The following MYCBPAP variants were observed in gnomAD, a reference collection of about 807,000 sequenced individuals.
MYCBPAP encodes MYCBP associated protein, also known as MYCBP-associated protein.
MYCBPAP carries 60 observed loss-of-function variants against 106.1 expected under a neutral mutation model. That is an observed-to-expected ratio of 0.57 (90% confidence interval 0.46 to 0.70). The LOEUF (loss-of-function observed/expected upper bound fraction) is 0.70. Ranked by LOEUF, MYCBPAP falls within the 30% of genes least tolerant of loss-of-function variation. MYCBPAP has a pLI of 0.00. For synonymous variants in MYCBPAP, 407 were observed against 440.6 expected (o/e 0.92, Z 0.95); for missense variants, 1,064 against 1,169.3 (o/e 0.91, Z 1.31).
intron 18 of MYCBPAP, chr17:50,530,291 C>A: frequency 2.8e-6 from 1 of 351,514 alleles, no homozygotes; most frequent in South Asian, 2.1e-5. Context: ...CTCAGGAGTT[C>A]AAGACCAGCC....
intron 1 of MYCBPAP, among the ~76,000 whole-genome samples, chr17:50,511,883 C>A (rs192182268): frequency 6.6e-6 from 1 of 152,062 alleles, no homozygotes; most frequent in African/African-American, 2.4e-5. Context: ...TCTGCCTCTC[C>A]GGTCCATCTG....
chr17:50,528,657 G>A, intron 16 of MYCBPAP, 38 bp from the exon 17 acceptor site: 1 of 1,604,880 alleles, frequency 6.2e-7, no homozygotes, highest in Non-Finnish European at 8.5e-7. Flanking sequence ...CTAGGCTGTT[G>A]GGGGCCTGCC....
chr17:50,509,519 T>C (rs2033741999), intron 1 of MYCBPAP: 1 of 188,900 alleles, frequency 5.3e-6, no homozygotes, highest in Non-Finnish European at 1.1e-5. Context: ...TTAAATTTAA[T>C]TTTTAGCTTT....
rs1023452414 is a variant in MYCBPAP at position 50,524,735 on chromosome 17, T to TGAGAGAGAGAGA, written c.1636-141_1636-140insAGAGAGAGAGAG. The TGAGAGAGAGAGA allele has an allele frequency of 2.3e-4, 54 of 238,886 alleles. No homozygotes were observed. The African/African-American group carries it at 3.2e-3, about 14-fold the overall frequency. 14.8% of individuals were successfully genotyped at this position (238,886 alleles called of 1,614,324 possible). ...GCGTGTGTGTGTGTGTGTGTGTGTG[T>TGAGAGAGAGAGA]GTGAGAGAGAGAGAGAGAGAGAGAC... On this transcript the variant is annotated intron_variant, in intron 12 of 18. Coordinates refer to ENST00000323776, the MANE Select transcript of MYCBPAP (RefSeq NM_032133.6).
chr17:50,527,238 G>A, intron 14 of MYCBPAP, 49 bp from the exon 15 acceptor site: 1 of 1,610,570 alleles, frequency 6.2e-7, no homozygotes, highest in South Asian at 1.1e-5. Context: ...TTCACTAGAG[G>A]ACACAGCCTT....
At chr17:50,528,421 C>A in intron 16 of MYCBPAP, 151 bp downstream of exon 16, 2 of 785,032 alleles carry the variant, frequency 2.5e-6, no homozygotes, top group South Asian at 1.8e-5. Context: ...TTTCTGTCCG[C>A]TGCCAGGATG....
intron 1 of MYCBPAP, among the ~76,000 whole-genome samples, chr17:50,512,147 G>A (rs997037607): frequency 4.0e-5 from 6 of 148,428 alleles, no homozygotes; most frequent in Non-Finnish European, 7.4e-5. Flanking sequence ...TCTGCCTCCC[G>A]TGTTCACGCC....
At chr17:50,521,906 C>A in intron 9 of MYCBPAP, 67 bp from the exon 10 acceptor site, 1 of 1,465,020 alleles carries the variant, frequency 6.8e-7, no homozygotes, top group Non-Finnish European at 9.5e-7. Context: ...GTGACCGTTT[C>A]TGTGGGGTTC....
intron 18 of MYCBPAP, 185 bp downstream of exon 18, chr17:50,529,373 CG>C: frequency 3.3e-6 from 2 of 606,016 alleles, no homozygotes; most frequent in Non-Finnish European, 5.7e-6. Context: ...GTGATGAGTA[CG>C]ACGGGAGAGA....
chr17:50,523,530 G>A, intron 11 of MYCBPAP, 67 bp from the exon 12 acceptor site: 1 of 1,522,454 alleles, frequency 6.6e-7, no homozygotes. Context: ...CTGCATGTAG[G>A]AGCATGTAGG....
chr17:50,531,252 C>A, intron 18 of MYCBPAP, 75 bp from the exon 19 acceptor site: 1 of 848,978 alleles, frequency 1.2e-6, no homozygotes, highest in Non-Finnish European at 1.8e-6. Context: ...TCCAGCTATT[C>A]TCTCACAGCA....
intron 1 of MYCBPAP, chr17:50,509,120 A>C: frequency 7.1e-6 from 5 of 703,040 alleles, no homozygotes. Flanking sequence ...TAGAAGGGCC[A>C]GGAATTGGGG....
intron 1 of MYCBPAP, chr17:50,514,997 T>C: frequency 2.8e-6 from 1 of 358,490 alleles, no homozygotes; most frequent in South Asian, 2.0e-5. Flanking sequence ...TGGCGGCTGC[T>C]GCTGTCTCTG....
Position 50,524,868 on chromosome 17 carries a change from C to A in MYCBPAP, c.1636-9C>A, listed in dbSNP as rs774645694. On this transcript the variant is annotated splice_polypyrimidine_tract_variant and intron_variant, in intron 12 of 18. Coordinates refer to ENST00000323776, the MANE Select transcript of MYCBPAP (RefSeq NM_032133.6). ...GGGCTGCCATCCTCTGCCACCTTCC[C>A]TTTTGCAGAGCAAGCTGACTGCCCA... is the stretch of plus-strand genomic sequence containing the variant. 17 of 1,612,234 alleles carry A rather than the reference C, an allele frequency of 1.1e-5. No homozygotes were observed. The highest frequency in any genetic ancestry group is 1.4e-5 in the Non-Finnish European group (16 of 1,178,992).
chr17:50,528,519 C>A (rs2034530987), intron 16 of MYCBPAP, among the ~76,000 whole-genome samples, 176 bp from the exon 17 acceptor site: 2 of 152,210 alleles, frequency 1.3e-5, no homozygotes, highest in African/African-American at 4.8e-5. Flanking sequence ...CATGGCATGG[C>A]AGAGCTGGGA....
rs1461576776 is a variant in MYCBPAP at position 50,531,478 on chromosome 17, T to C, written c.*50T>C. 7.1e-7 allele frequency: 1 copy of C among 1,403,820 alleles called. No individual in the cohort carries two copies. Among genetic ancestry groups the C allele is most frequent in the South Asian group, 1.3e-5 (1 of 78,068 alleles). The allele number at this position is 1,403,820 out of a possible 1,614,324, so 87.0% of individuals were successfully genotyped here. A position where few individuals can be genotyped will look rare whatever the true frequency, so the allele number is the denominator to read the frequency against. The stretch of plus-strand genomic sequence containing the variant: ...GAAAACGGGTTAATAAATAAATCAA[T>C]AAAGAACCTTCAAGTTTCTACTACT... On this transcript the variant is annotated 3_prime_UTR_variant, in exon 19 of 19. Coordinates refer to ENST00000323776, the MANE Select transcript of MYCBPAP (RefSeq NM_032133.6).
intron 2 of MYCBPAP, 24 bp downstream of exon 2, chr17:50,516,721 C>G (rs746039276): frequency 2.5e-6 from 4 of 1,612,812 alleles, no homozygotes; most frequent in Admixed American, 1.7e-5. Flanking sequence ...CCAAGCTTCC[C>G]TTACCATAGA....
rs781738069 is a variant in MYCBPAP at position 50,523,713 on chromosome 17, A to G, written c.1564A>G (p.Ile522Val). 4 of 1,614,194 alleles carry G rather than the reference A, an allele frequency of 2.5e-6. No individual in the cohort carries two copies. The highest frequency in any genetic ancestry group is 3.3e-5 in the Admixed American group (2 of 60,022). Residue 522 changes from isoleucine to valine, a missense_variant, in exon 12 of 19, where the codon ATA (isoleucine) becomes GTA (valine). Coordinates refer to ENST00000323776, the MANE Select transcript of MYCBPAP (RefSeq NM_032133.6). The part of the protein sequence containing the change: ...RTHPTLLGGA[I>V]LQVNLHAVSL... ...CCATCCTACTCTATTAGGAGGTGCTATACTGCAGGTCAATCTCCACGCGGT... is the reference window on the plus strand; with the variant it reads ...CCATCCTACTCTATTAGGAGGTGCTGTACTGCAGGTCAATCTCCACGCGGT...
rs2034329885 is a variant in MYCBPAP, at chr17:50,522,949, G to T, written c.1268G>T (p.Gly423Val). ...CCCTCCTCCTTCCAGAGGCAGGTTG[G>T]GATTGCTGCTCACTTGACCTTTGAA... The part of the protein sequence containing the change: ...GSNPQDKRQV[G>V]IAAHLTFETL... The change falls in exon 11 of 19, where the codon GGG becomes GTG. Residue 423 changes from glycine to valine, a missense_variant. By Grantham distance (109) the Gly-to-Val change is moderately radical. Transcript: ENST00000323776. 6.2e-7 allele frequency: 1 copy of T among 1,610,106 alleles called. No individual in the cohort carries two copies. Among genetic ancestry groups the T allele is most frequent in the Non-Finnish European group, 8.5e-7 (1 of 1,176,882 alleles).
Sources: gnomAD v4.1 joint callset for allele counts (sites outside exome capture counted in the v4.1 genomes callset) on GRCh38, gnomAD v4.1.1 for gene constraint, MANE v1.5 for transcripts, NCBI Gene and HGNC (gene_info 2026-07-23, HGNC 2026-07-21) for gene names.